The following DNAL4 variants were observed in gnomAD, a reference collection of about 807,000 sequenced individuals.
DNAL4 encodes dynein light chain, outer arm 4.
Under a neutral mutation model 12.6 loss-of-function variants are expected in DNAL4, and 10 were observed. The observed-to-expected ratio is 0.79, with a 90% CI of 0.49 to 1.34. DNAL4 has a LOEUF of 1.34. Among genes scored for constraint, DNAL4 ranks in the 40% most tolerant of loss-of-function variants. The pLI, the probability that DNAL4 is intolerant of heterozygous loss-of-function variation, is 0.00. For missense variants in DNAL4, 128 were observed against 138.1 expected, an observed-to-expected ratio of 0.93 and a Z score of 0.37; for synonymous variants, 46 against 53.1, an observed-to-expected ratio of 0.87 and a Z score of 0.58.
chr22:38,787,937 C>T (rs1187222414), intron 1 of DNAL4, among the ~76,000 whole-genome samples: 2 of 152,182 alleles, frequency 1.3e-5, no homozygotes, highest in Admixed American at 6.5e-5. Flanking sequence ...GAACCAGGAT[C>T]GGAACCCCAA....
intron 1 of DNAL4, among the ~76,000 whole-genome samples, chr22:38,791,066 C>G (rs180814738): frequency 1.1e-4 from 17 of 151,514 alleles, no homozygotes; most frequent in Non-Finnish European, 2.2e-4. Context: ...ACTCAGGAGG[C>G]TGAAGCAGGA....
intron 1 of DNAL4, among the ~76,000 whole-genome samples, chr22:38,788,587 C>T (rs1346796197): frequency 6.6e-6 from 1 of 152,092 alleles, no homozygotes; most frequent in South Asian, 2.1e-4. Context: ...ACACATGCAC[C>T]CTCAAGGACT....
In DNAL4 at chr22:38,782,787, T is replaced by C; in HGVS notation, c.-56A>G. 3 of 1,548,610 alleles carry C rather than the reference T, an allele frequency of 1.9e-6. No homozygotes were observed. Among genetic ancestry groups the C allele is most frequent in the Non-Finnish European group, 2.6e-6 (3 of 1,143,014 alleles). On this transcript the variant is annotated 5_prime_UTR_variant, in exon 2 of 4. Transcript: ENST00000216068. This position sits in a 1 kb window ranked among gnomAD's most constrained non-coding sequence, Gnocchi z 5.1. Reference sequence around the variant, plus strand: ...TGGGGCTTTCAGGAGGTGCTGGGACTGGCAGTTAAGACACACCCAGGAGAT... The same window carrying C: ...TGGGGCTTTCAGGAGGTGCTGGGACCGGCAGTTAAGACACACCCAGGAGAT...
intron 1 of DNAL4, among the ~76,000 whole-genome samples, chr22:38,788,935 G>A (rs2146169534): frequency 6.6e-6 from 1 of 152,280 alleles, no homozygotes; most frequent in African/African-American, 2.4e-5. Flanking sequence ...GGCTCTAGAT[G>A]CCCCAGAGCA....
chr22:38,779,277 G>T lies in DNAL4; in HGVS notation c.*172C>A. 1 of 834,794 alleles carries T rather than the reference G, an allele frequency of 1.2e-6. No homozygotes were observed. The highest frequency in any genetic ancestry group is 1.8e-6 in the Non-Finnish European group (1 of 563,896). The allele number at this position is 834,794 out of a possible 1,614,324, so 51.7% of individuals were successfully genotyped here. On this transcript the variant is annotated 3_prime_UTR_variant, in exon 4 of 4. Coordinates refer to ENST00000216068, the MANE Select transcript of DNAL4 (RefSeq NM_005740.3). The surrounding 1 kb of genome is among the most constrained non-coding windows in gnomAD (Gnocchi z 4.3). ...CGAGGGAGACGGTTGAGAGCCTGGG[G>T]ATGGAGATGTCAAGTTCACACACTG...
At chr22:38,781,929 G>T (rs567662667) in intron 2 of DNAL4, among the ~76,000 whole-genome samples, 1 of 152,284 alleles carries the variant, frequency 6.6e-6, no homozygotes, top group Non-Finnish European at 1.5e-5. Context: ...TTCTGCTCTG[G>T]TATCTCCAAA....
Position 38,781,023 on chromosome 22 carries a change from AG to A in DNAL4, c.70-15del, listed in dbSNP as rs1165381569. On this transcript the variant is annotated splice_polypyrimidine_tract_variant and intron_variant, in intron 2 of 3. Coordinates refer to ENST00000216068, the MANE Select transcript of DNAL4 (RefSeq NM_005740.3). ...CATGTCCGAGTGCTAGAGACAGGGC[AG>A]GGGTAACAAACAAGAGACAGGCTTA... 1.2e-6 allele frequency: 2 copies of A among 1,613,766 alleles called. No homozygotes were observed. The highest frequency in any genetic ancestry group is 1.7e-6 in the Non-Finnish European group (2 of 1,179,900).
intron 1 of DNAL4, among the ~76,000 whole-genome samples, chr22:38,791,512 C>T (rs1398646194): frequency 3.3e-5 from 5 of 151,742 alleles, no homozygotes; most frequent in Non-Finnish European, 5.9e-5. Flanking sequence ...TGCCACCAAG[C>T]CGGGCTTATT....
rs2093030407 is a variant in DNAL4, at chr22:38,779,208, C to T, written c.*241G>A. 4.7e-6 allele frequency: 2 copies of T among 427,686 alleles called. No homozygotes were observed. Among genetic ancestry groups the T allele is most frequent in the Non-Finnish European group, 4.1e-6 (1 of 243,254 alleles). 26.5% of individuals were successfully genotyped at this position (427,686 alleles called of 1,614,324 possible). On this transcript the variant is annotated 3_prime_UTR_variant, in exon 4 of 4. Coordinates refer to ENST00000216068, the MANE Select transcript of DNAL4 (RefSeq NM_005740.3). The surrounding 1 kb of genome is among the most constrained non-coding windows in gnomAD (Gnocchi z 4.3). ...GTCACACCGCCCCACCCCACGTCTCCCACACAGACCCATGCCCGCTGCCCC... is the reference window on the plus strand; with the variant it reads ...GTCACACCGCCCCACCCCACGTCTCTCACACAGACCCATGCCCGCTGCCCC...
intron 1 of DNAL4, among the ~76,000 whole-genome samples, chr22:38,787,391 G>A (rs992280672): frequency 9.2e-5 from 14 of 151,926 alleles, no homozygotes; most frequent in African/African-American, 2.7e-4. Flanking sequence ...ACAGGTACGC[G>A]CCACCACGCC....
intron 1 of DNAL4, among the ~76,000 whole-genome samples, chr22:38,793,555 G>A (rs887583042): frequency 6.6e-6 from 1 of 152,138 alleles, no homozygotes; most frequent in Admixed American, 6.5e-5. Context: ...AAAGAACAAC[G>A]ACATCCTAGA....
chr22:38,782,694 T>C lies in DNAL4; in HGVS notation c.38A>G (p.Tyr13Cys), dbSNP rs376541254. 4.3e-6 allele frequency: 7 copies of C among 1,613,502 alleles called. No homozygotes were observed. Among genetic ancestry groups the C allele is most frequent in the African/African-American group, 1.3e-5 (1 of 74,926 alleles). Residue 13 changes from tyrosine (Y) to cysteine (C), a missense_variant, in exon 2 of 4, where the codon TAT (tyrosine) becomes TGT (cysteine). Transcript: ENST00000216068. This position sits in a 1 kb window ranked among gnomAD's most constrained non-coding sequence, Gnocchi z 5.1. ...CAGAGGGAAGGTCTGCAGTCGCTTA[T>C]AATCAGCCTCATCTTTCTTCCCTTC... ...ETEGKKDEAD[Y>C]KRLQTFPLVR...
chr22:38,794,080 G>C lies in DNAL4; in HGVS notation c.-152C>G, dbSNP rs1285434336. On this transcript the variant is annotated 5_prime_UTR_variant, in exon 1 of 4. Transcript: ENST00000216068. ...CCCGGGGCCTCACCTGCTCCTGCGG[G>C]GGCCGGAGCCGGGGCCGCAGCCAGC... is the stretch of plus-strand genomic sequence containing the variant. 2.0e-5 allele frequency: 3 copies of C among 152,222 alleles called. No individual in the cohort carries two copies. The highest frequency in any genetic ancestry group is 2.9e-5 in the Non-Finnish European group (2 of 68,056). 9.4% of individuals were successfully genotyped at this position (152,222 alleles called of 1,614,324 possible). A position where few individuals can be genotyped will look rare whatever the true frequency, so the allele number is the denominator to read the frequency against.
chr22:38,793,350 CTG>C (rs2093053898), intron 1 of DNAL4, among the ~76,000 whole-genome samples: 1 of 152,200 alleles, frequency 6.6e-6, no homozygotes, highest in South Asian at 2.1e-4. Context: ...GGACTGGACT[CTG>C]TACTTCATAT....
chr22:38,787,758 T>A (rs922984762), intron 1 of DNAL4, among the ~76,000 whole-genome samples: 1 of 152,216 alleles, frequency 6.6e-6, no homozygotes, highest in African/African-American at 2.4e-5. Context: ...GTGAAACCTC[T>A]TGGGGCTGAG....
At chr22:38,780,898 G>C (rs758768195) in intron 3 of DNAL4, 28 bp downstream of exon 3, 2 of 1,613,592 alleles carry the variant, frequency 1.2e-6, no homozygotes, top group Non-Finnish European at 1.7e-6. Flanking sequence ...TCAAAAGCAC[G>C]AGGGGCCGCC....
At position 38,782,513 on chromosome 22, in the gene DNAL4, C is replaced by G; in HGVS notation, c.69+150G>C. On this transcript the variant is annotated intron_variant, in intron 2 of 3. Coordinates refer to ENST00000216068, the MANE Select transcript of DNAL4 (RefSeq NM_005740.3). This position sits in a 1 kb window ranked among gnomAD's most constrained non-coding sequence, Gnocchi z 5.1. ...TGAATGAATGAATGAAACAATGAATCACTGTCAACTCCAAGATGTCTAGGT... is the reference window on the plus strand; with the variant it reads ...TGAATGAATGAATGAAACAATGAATGACTGTCAACTCCAAGATGTCTAGGT... 1.4e-6 allele frequency: 1 copy of G among 710,292 alleles called. No homozygotes were observed. The highest frequency in any genetic ancestry group is 1.8e-5 in the South Asian group (1 of 57,068). The allele number at this position is 710,292 out of a possible 1,614,324, so 44.0% of individuals were successfully genotyped here.
intron 2 of DNAL4, among the ~76,000 whole-genome samples, chr22:38,781,320 C>T (rs112957960): frequency 0.049 from 7,411 of 152,332 alleles, 476 homozygotes; most frequent in African/African-American, 0.15. Context: ...AAGTGTGTTC[C>T]GACGGAATCT....
At chr22:38,781,090 G>A in intron 2 of DNAL4, 81 bp from the exon 3 acceptor site, 1 of 1,514,222 alleles carries the variant, frequency 6.6e-7, no homozygotes. Context: ...TCTGTCCCAA[G>A]CTTAAGGCAT....
Sources: gnomAD v4.1 joint callset for allele counts (sites outside exome capture counted in the v4.1 genomes callset) on GRCh38, gnomAD v4.1.1 for gene constraint, Gnocchi (gnomAD v3.1) non-coding constraint, MANE v1.5 for transcripts, NCBI Gene and HGNC (gene_info 2026-07-23, HGNC 2026-07-21) for gene names.